Variants in CUX1 observed in about 807,000 individuals in gnomAD.
CUX1 encodes the protein protein CASP.
In CUX1, 31 loss-of-function variants were observed where a neutral mutation model predicts 158.8. That is an observed-to-expected ratio of 0.20 (90% CI 0.15 to 0.26). The LOEUF is 0.26. CUX1 is among the 10% of genes least tolerant of loss of function. The pLI is 1.00. For missense variants in CUX1, 1,589 were observed against 2,014.6 expected (o/e 0.79, Z 4.04); for synonymous variants, 879 against 862.1 (o/e 1.02, Z -0.34).
At chr7:102,103,534 C>A (rs1284712344) in intron 5 of CUX1, among the ~76,000 whole-genome samples, 4 of 152,224 alleles carry the variant, frequency 2.6e-5, no homozygotes, top group African/African-American at 9.6e-5. Flanking sequence ...GGGTTCAAGA[C>A]ATCCTTCCAC....
chr7:102,023,773 A>G (rs1472990484), intron 2 of CUX1, among the ~76,000 whole-genome samples: 3 of 152,198 alleles, frequency 2.0e-5, no homozygotes, highest in South Asian at 4.1e-4. Flanking sequence ...AAGTACATAT[A>G]TATCAGTTTG....
intron 20 of CUX1, among the ~76,000 whole-genome samples, chr7:102,209,279 T>A (rs1554522496): frequency 6.6e-6 from 1 of 152,194 alleles, no homozygotes; most frequent in Non-Finnish European, 1.5e-5. Context: ...CATCACTTTT[T>A]CCTCTTGGTG....
At chr7:101,895,376 A>G (rs1801359087) in intron 1 of CUX1, among the ~76,000 whole-genome samples, 1 of 152,096 alleles carries the variant, frequency 6.6e-6, no homozygotes, top group African/African-American at 2.4e-5. Flanking sequence ...TCCCAATGGT[A>G]AGGGCCATTG....
At chr7:101,832,733 C>G (rs1232035319) in intron 1 of CUX1, among the ~76,000 whole-genome samples, 1 of 152,208 alleles carries the variant, frequency 6.6e-6, no homozygotes. Context: ...TATAGTGATA[C>G]CTGGTGGCAA....
At chr7:101,914,795 G>A (rs545727072) in intron 1 of CUX1, among the ~76,000 whole-genome samples, 21 of 152,182 alleles carry the variant, frequency 1.4e-4, no homozygotes, top group South Asian at 8.3e-4. Flanking sequence ...CACCTCGCCC[G>A]GCCTGTCCAT....
intron 2 of CUX1, among the ~76,000 whole-genome samples, chr7:101,947,452 T>A (rs936606195): frequency 6.6e-6 from 1 of 152,168 alleles, no homozygotes; most frequent in Admixed American, 6.5e-5. Flanking sequence ...AGCTTAAATA[T>A]TTACCCCATA....
intron 2 of CUX1, among the ~76,000 whole-genome samples, chr7:102,014,013 G>A (rs371890094): frequency 1.8e-4 from 28 of 152,156 alleles, no homozygotes; most frequent in Non-Finnish European, 2.2e-4. Flanking sequence ...CCTGTTTTTT[G>A]TTTTAATCTG....
intron 2 of CUX1, among the ~76,000 whole-genome samples, chr7:102,022,227 C>T (rs760461545): frequency 2.0e-5 from 3 of 152,164 alleles, no homozygotes; most frequent in Admixed American, 6.6e-5. Flanking sequence ...GAATGGTTTC[C>T]TCCAGCAATT....
chr7:102,230,965 A>G (rs1416368163), intron 21 of CUX1, among the ~76,000 whole-genome samples: 2 of 151,744 alleles, frequency 1.3e-5, no homozygotes. Flanking sequence ...GGCTCAAGCA[A>G]TCCTCCCACC....
At chr7:102,040,197 G>A (rs977948103) in intron 3 of CUX1, among the ~76,000 whole-genome samples, 2 of 152,316 alleles carry the variant, frequency 1.3e-5, no homozygotes, top group African/African-American at 4.8e-5. Flanking sequence ...GCACTGCGAG[G>A]GAGACACACT....
At position 101,838,573 on chromosome 7, in the gene CUX1, G is replaced by A. The variant is rs1408024669; in HGVS notation, c.30+20904G>A. Reference sequence around the variant, plus strand: ...TCCCAGCACCTTGGGAGGCCGAGGTGGGTGGATCACCTGAGATCAGGAGTT... The same window carrying A: ...TCCCAGCACCTTGGGAGGCCGAGGTAGGTGGATCACCTGAGATCAGGAGTT... On this transcript the variant is annotated intron_variant, in intron 1 of 23. Coordinates refer to ENST00000292535, the MANE Select transcript of CUX1 (RefSeq NM_181552.4). 2.0e-5 allele frequency among the ~76,000 whole-genome samples: 3 copies of A among 151,262 alleles called. No individual in the cohort carries two copies. The East Asian group carries it at 5.9e-4, about 30-fold the overall frequency.
At chr7:101,980,216 A>C (rs965155930) in intron 2 of CUX1, among the ~76,000 whole-genome samples, 2 of 152,116 alleles carry the variant, frequency 1.3e-5, no homozygotes, top group African/African-American at 4.8e-5. Flanking sequence ...ACAGAAGAAG[A>C]ACCTTCAGGC....
chr7:102,136,015 T>G (rs1833861374), intron 8 of CUX1, among the ~76,000 whole-genome samples: 1 of 152,106 alleles, frequency 6.6e-6, no homozygotes, highest in African/African-American at 2.4e-5. Context: ...ATCCATTTTC[T>G]TATTTTTCAA....
At chr7:102,082,587 C>A (rs1781910732) in intron 4 of CUX1, among the ~76,000 whole-genome samples, 1 of 147,190 alleles carries the variant, frequency 6.8e-6, no homozygotes, top group Non-Finnish European at 1.5e-5. Flanking sequence ...ATAGCGTGGC[C>A]ACCTTCACAG....
chr7:102,169,678 G>T (rs1053945217), intron 9 of CUX1, among the ~76,000 whole-genome samples: 6 of 152,230 alleles, frequency 3.9e-5, no homozygotes, highest in African/African-American at 1.2e-4. Flanking sequence ...ACCCTGTCGG[G>T]TGGTGGGCAC....
intron 10 of CUX1, among the ~76,000 whole-genome samples, chr7:102,174,206 A>G (rs555277557): frequency 1.3e-5 from 2 of 151,764 alleles, no homozygotes; most frequent in East Asian, 3.9e-4. Context: ...TGCAACCTCC[A>G]CTCCTGGGTT....
chr7:102,044,344 C>T (rs1014435625), intron 3 of CUX1, among the ~76,000 whole-genome samples: 3 of 151,956 alleles, frequency 2.0e-5, no homozygotes, highest in African/African-American at 7.3e-5. Context: ...TGTGTGCCAC[C>T]ACACCCAGCA....
chr7:101,879,155 A>G (rs1799457368), intron 1 of CUX1, among the ~76,000 whole-genome samples: 2 of 152,190 alleles, frequency 1.3e-5, no homozygotes, highest in African/African-American at 2.4e-5. Flanking sequence ...TCTTGAGGAC[A>G]CTGTTCCCTG....
In CUX1 at chr7:102,178,688, C is replaced by T. The variant is rs547147191; in HGVS notation, c.1017+31C>T. ...GGGGCTGCGGGGCCCGGGGGTGGCC[C>T]GAGGAGGCAGGGCGGATGGCTGGAC... On this transcript the variant is annotated intron_variant, in intron 11 of 23. Coordinates refer to ENST00000292535, the MANE Select transcript of CUX1 (RefSeq NM_181552.4). 454 of 1,579,962 alleles carry T rather than the reference C, an allele frequency of 2.9e-4. 5 individuals carry two copies. The South Asian group carries it at 4.9e-3, about 17-fold the overall frequency.
Sources: allele counts gnomAD v4.1 joint callset (sites outside exome capture counted in the v4.1 genomes callset), GRCh38; gene constraint gnomAD v4.1.1; transcripts MANE v1.5; gene names NCBI Gene and HGNC (gene_info 2026-07-23, HGNC 2026-07-21).